SLC25A25: variants seen among roughly 807,000 people sequenced by gnomAD.
The protein encoded by SLC25A25 is solute carrier family 25 member 25.
In SLC25A25, 32 loss-of-function variants were observed where a neutral mutation model predicts 57.7. The observed-to-expected ratio is 0.55, with a 90% confidence interval of 0.42 to 0.74. The LOEUF is 0.74. Ranked by LOEUF, SLC25A25 falls within the 30% of genes least tolerant of loss-of-function variation. The pLI, the probability that SLC25A25 is intolerant of heterozygous loss-of-function variation, is 0.00. For synonymous variants in SLC25A25, 306 were observed against 291.2 expected (o/e 1.05, Z -0.52); for missense variants, 556 against 701.3 (o/e 0.79, Z 2.34).
Position 128,108,621 on chromosome 9 carries a change from A to G in SLC25A25, c.*1177A>G. The G allele has an allele frequency of 6.0e-6, 1 of 165,312 alleles. No individual in the cohort carries two copies. The highest frequency in any genetic ancestry group is 1.3e-5 in the Non-Finnish European group (1 of 77,166). The allele number at this position is 165,312 out of a possible 1,614,324, so 10.2% of individuals were successfully genotyped here. ...TCATTTTTTATTCATATTTATGTTC[A>G]TGGTTGATTGTACCTTCCCAAGCCC... is the stretch of plus-strand genomic sequence containing the variant. On this transcript the variant is annotated 3_prime_UTR_variant, in exon 11 of 11. Coordinates refer to ENST00000373069, the MANE Select transcript of SLC25A25 (RefSeq NM_001330988.2).
At position 128,101,023 on chromosome 9, in the gene SLC25A25, G is replaced by C. The variant is rs1379607350; in HGVS notation, c.262-73G>C. Reference sequence around the variant, plus strand: ...GCAATTAGTGAAGTCATTGCCTGGGGATGGGGCCCCACAAGGGACAAGGAA... The same window carrying C: ...GCAATTAGTGAAGTCATTGCCTGGGCATGGGGCCCCACAAGGGACAAGGAA... On this transcript the variant is annotated intron_variant, in intron 1 of 10. Transcript: ENST00000373069. This position sits in a 1 kb window ranked among gnomAD's most constrained non-coding sequence, Gnocchi z 4.9. The C allele has an allele frequency of 5.6e-6, 9 of 1,600,086 alleles. No homozygotes were observed. In the Admixed American group the frequency reaches 1.4e-4, roughly 24 times the overall value.
At position 128,095,818 on chromosome 9, in the gene SLC25A25, CAAAG is replaced by C. The variant is rs1485363080; in HGVS notation, c.262-5274_262-5271del. Among the ~76,000 whole-genome samples the C allele has an allele frequency of 1.3e-5, 2 of 151,798 alleles. No individual in the cohort carries two copies. The highest frequency in any genetic ancestry group is 4.8e-5 in the African/African-American group (2 of 41,390). ...GAGCAAGACTCCATCTTAGGAAAGACAAAGAAAAAAGAAGAAGAATACAGGTTTC... is the reference window on the plus strand; with the variant it reads ...GAGCAAGACTCCATCTTAGGAAAGACAAAAAAGAAGAAGAATACAGGTTTC... On this transcript the variant is annotated intron_variant, in intron 1 of 10. Coordinates refer to ENST00000373069, the MANE Select transcript of SLC25A25 (RefSeq NM_001330988.2). The surrounding 1 kb of genome is among the most constrained non-coding windows in gnomAD (Gnocchi z 4.4).
chr9:128,098,635 G>A (rs139670262), intron 1 of SLC25A25: 66 of 1,614,052 alleles, frequency 4.1e-5, no homozygotes, highest in African/African-American at 6.7e-5. Flanking sequence ...ACTTTGAGTC[G>A]AAGGGGCTCC....
chr9:128,105,667 T>G, intron 6 of SLC25A25, 62 bp from the exon 7 acceptor site: 1 of 1,610,726 alleles, frequency 6.2e-7, no homozygotes, highest in Non-Finnish European at 8.5e-7. Context: ...CAGAGGCTCT[T>G]GGCCGGGTGA....
chr9:128,102,540 C>A lies in SLC25A25; in HGVS notation c.624+59C>A, dbSNP rs1160321924. On this transcript the variant is annotated intron_variant, in intron 5 of 10. Transcript: ENST00000373069. The surrounding 1 kb of genome is among the most constrained non-coding windows in gnomAD (Gnocchi z 4.1). ...CCCAGGGACCCTTAGCCCAGAGTCA[C>A]CCAGTCGTCCCCATCCCAGAGTGCA... The A allele has an allele frequency of 5.5e-5, 75 of 1,358,766 alleles. No homozygotes were observed. Among genetic ancestry groups the A allele is most frequent in the Non-Finnish European group, 7.5e-5 (73 of 971,246 alleles). The allele number at this position is 1,358,766 out of a possible 1,614,324, so 84.2% of individuals were successfully genotyped here. A position where few individuals can be genotyped will look rare whatever the true frequency, so the allele number is the denominator to read the frequency against.
chr9:128,105,446 C>T (rs1421672586), intron 6 of SLC25A25, among the ~76,000 whole-genome samples: 7 of 151,960 alleles, frequency 4.6e-5, no homozygotes, highest in Admixed American at 4.6e-4. Flanking sequence ...GCTGGGATTA[C>T]AGGCATGAGC....
chr9:128,102,614 T>A lies in SLC25A25; in HGVS notation c.624+133T>A. The A allele has an allele frequency of 1.5e-6, 1 of 684,430 alleles. No homozygotes were observed. The highest frequency in any genetic ancestry group is 2.5e-6 in the Non-Finnish European group (1 of 404,106). The allele number at this position is 684,430 out of a possible 1,614,324, so 42.4% of individuals were successfully genotyped here. A position where few individuals can be genotyped will look rare whatever the true frequency, so the allele number is the denominator to read the frequency against. On this transcript the variant is annotated intron_variant, in intron 5 of 10. Coordinates refer to ENST00000373069, the MANE Select transcript of SLC25A25 (RefSeq NM_001330988.2). This position sits in a 1 kb window ranked among gnomAD's most constrained non-coding sequence, Gnocchi z 4.1. ...TCTTCCACAGGAGACTGTCCCCTCT[T>A]CTGCCAGCCCAGTAGAGCTGTCCGC...
intron 1 of SLC25A25, among the ~76,000 whole-genome samples, chr9:128,085,277 A>C (rs886233328): frequency 1.1e-4 from 16 of 151,738 alleles, no homozygotes; most frequent in African/African-American, 3.9e-4. Context: ...GTTGTAGTGA[A>C]CCAAGATCAC....
intron 6 of SLC25A25, among the ~76,000 whole-genome samples, chr9:128,104,483 C>G (rs974336681): frequency 7.2e-5 from 11 of 152,232 alleles, no homozygotes; most frequent in African/African-American, 2.7e-4. Flanking sequence ...CAGAATGCCT[C>G]GGGCTTGGAC....
At chr9:128,096,228 G>A (rs1006797168) in intron 1 of SLC25A25, among the ~76,000 whole-genome samples, 2 of 152,148 alleles carry the variant, frequency 1.3e-5, no homozygotes, top group African/African-American at 4.8e-5. Flanking sequence ...AATAATAGAG[G>A]CTAGGCGCAG....
At position 128,099,964 on chromosome 9, in the gene SLC25A25, G is replaced by A. The variant is rs939206256; in HGVS notation, c.262-1132G>A. Among the ~76,000 whole-genome samples, 2 of 152,152 alleles carry A rather than the reference G, an allele frequency of 1.3e-5. No individual in the cohort carries two copies. Among genetic ancestry groups the A allele is most frequent in the Non-Finnish European group, 2.9e-5 (2 of 68,030 alleles). ...CAGTTTTGGGTTCCGGATTCAGGGC[G>A]TTGCTGAGTTGGGGTGACTCACTTT... On this transcript the variant is annotated intron_variant, in intron 1 of 10. Coordinates refer to ENST00000373069, the MANE Select transcript of SLC25A25 (RefSeq NM_001330988.2). This position sits in a 1 kb window ranked among gnomAD's most constrained non-coding sequence, Gnocchi z 6.8.
intron 1 of SLC25A25, among the ~76,000 whole-genome samples, chr9:128,081,050 CAGA>C (rs1158796272): frequency 6.6e-6 from 1 of 152,128 alleles, no homozygotes; most frequent in Non-Finnish European, 1.5e-5. Context: ...CTCTAACCTA[CAGA>C]AGAAGGAAAA....
Position 128,102,478 on chromosome 9 carries a change from C to A in SLC25A25, c.621C>A (p.Ser207=). The part of the protein sequence containing the change: ...IPEIILYWKH[S]TIFDVGENLT... Reference sequence around the variant, plus strand: ...AGATCATCCTCTACTGGAAGCATTCCACGGTGAGCCCCACGTGCCCAGGGC... The same window carrying A: ...AGATCATCCTCTACTGGAAGCATTCAACGGTGAGCCCCACGTGCCCAGGGC... The change falls in exon 5 of 11, where the codon TCC becomes TCA. Residue 207 remains serine (S), a synonymous_variant. Transcript: ENST00000373069. The surrounding 1 kb of genome is among the most constrained non-coding windows in gnomAD (Gnocchi z 4.1). 1 of 1,613,016 alleles carries A rather than the reference C, an allele frequency of 6.2e-7. No homozygotes were observed. Among genetic ancestry groups the A allele is most frequent in the Non-Finnish European group, 8.5e-7 (1 of 1,179,226 alleles).
intron 1 of SLC25A25, among the ~76,000 whole-genome samples, chr9:128,090,316 G>C (rs1833371828): frequency 1.3e-5 from 2 of 151,988 alleles, no homozygotes; most frequent in Non-Finnish European, 2.9e-5. Context: ...GGGTTCAAGT[G>C]ATTCTCCTGC....
At chr9:128,088,347 C>T (rs6478814) in intron 1 of SLC25A25, among the ~76,000 whole-genome samples, 2,874 of 152,306 alleles carry the variant, frequency 0.019, 87 homozygotes, top group African/African-American at 0.066. Flanking sequence ...TTTCCCCATG[C>T]TCAGGTAGGT....
chr9:128,089,651 T>TC (rs1250325412), intron 1 of SLC25A25, among the ~76,000 whole-genome samples: 1 of 144,462 alleles, frequency 6.9e-6, no homozygotes, highest in Non-Finnish European at 1.5e-5. Flanking sequence ...TTTTTTTTTT[T>TC]TGAGACAGGA....
rs1306820879 is a variant in SLC25A25 at position 128,068,261 on chromosome 9, T to C, written c.-59T>C. 18 of 1,058,532 alleles carry C rather than the reference T, an allele frequency of 1.7e-5. No individual in the cohort carries two copies. Among genetic ancestry groups the C allele is most frequent in the Non-Finnish European group, 2.2e-5 (18 of 827,522 alleles). The allele number at this position is 1,058,532 out of a possible 1,614,324, so 65.6% of individuals were successfully genotyped here. The stretch of plus-strand genomic sequence containing the variant: ...AGCGCCTGGCTTGCCTCCCGCGCGG[T>C]CACCGCCGGCCCGCCGCCCCCGCTC... On this transcript the variant is annotated 5_prime_UTR_variant, in exon 1 of 11. Coordinates refer to ENST00000373069, the MANE Select transcript of SLC25A25 (RefSeq NM_001330988.2).
At chr9:128,076,012 G>A (rs1833003502) in intron 1 of SLC25A25, among the ~76,000 whole-genome samples, 1 of 152,076 alleles carries the variant, frequency 6.6e-6, no homozygotes, top group African/African-American at 2.4e-5. Flanking sequence ...CCAAAGTGCT[G>A]GGATTACAGA....
At chr9:128,068,803 C>T (rs1256955484) in intron 1 of SLC25A25, among the ~76,000 whole-genome samples, 2 of 152,224 alleles carry the variant, frequency 1.3e-5, no homozygotes, top group African/African-American at 4.8e-5. Context: ...CACAGGTGGG[C>T]ATCCTATGGG....
Sources: gnomAD v4.1 joint callset for allele counts (sites outside exome capture counted in the v4.1 genomes callset) on GRCh38, gnomAD v4.1.1 for gene constraint, Gnocchi (gnomAD v3.1) non-coding constraint, MANE v1.5 for transcripts, NCBI Gene and HGNC (gene_info 2026-07-23, HGNC 2026-07-21) for gene names.